ITFG1: variants seen among roughly 807,000 people sequenced by gnomAD.
ITFG1 encodes the protein integrin alpha FG-GAP repeat containing 1.
ITFG1 carries 34 observed loss-of-function variants against 81.8 expected under a neutral mutation model. The ratio of observed to expected loss-of-function variants is 0.42; its 90% CI spans 0.32 to 0.55. The LOEUF (loss-of-function observed/expected upper bound fraction) is 0.55, where lower values mean the gene tolerates loss of function less well. Among genes scored for constraint, ITFG1 ranks in the 20% least tolerant of loss-of-function variants. ITFG1 has a pLI of 0.17. For missense variants in ITFG1, 672 were observed against 755.4 expected (o/e 0.89, Z 1.29); for synonymous variants, 285 against 270.6 (o/e 1.05, Z -0.52).
chr16:47,181,422 C>T (rs1357258574), intron 14 of ITFG1, among the ~76,000 whole-genome samples: 11 of 145,304 alleles, frequency 7.6e-5, no homozygotes, highest in Non-Finnish European at 1.1e-4. Context: ...CCCCCCCGCC[C>T]GGCCAGCCGC....
At chr16:47,440,393 G>C (rs945244165) in intron 5 of ITFG1, among the ~76,000 whole-genome samples, 5 of 152,176 alleles carry the variant, frequency 3.3e-5, no homozygotes, top group African/African-American at 1.2e-4. Context: ...ATTCTTTTCA[G>C]CATCACACCA....
At chr16:47,421,270 G>GCACACACA (rs58232411) in intron 6 of ITFG1, among the ~76,000 whole-genome samples, 101 of 130,022 alleles carry the variant, frequency 7.8e-4, no homozygotes, top group African/African-American at 1.3e-3. Context: ...ACATACATAT[G>GCACACACA]CACACACACA....
chr16:47,368,979 A>G (rs1968215705), intron 7 of ITFG1, among the ~76,000 whole-genome samples: 1 of 152,212 alleles, frequency 6.6e-6, no homozygotes, highest in African/African-American at 2.4e-5. Flanking sequence ...ACACTTTATT[A>G]GACAACTTTT....
intron 12 of ITFG1, among the ~76,000 whole-genome samples, chr16:47,258,312 A>G (rs572953167): frequency 6.6e-6 from 1 of 152,364 alleles, no homozygotes; most frequent in South Asian, 2.1e-4. Context: ...CAGAATGCAA[A>G]GCCTGGATTC....
intron 12 of ITFG1, among the ~76,000 whole-genome samples, chr16:47,249,972 T>G (rs1371738553): frequency 6.6e-6 from 1 of 152,220 alleles, no homozygotes; most frequent in Non-Finnish European, 1.5e-5. Flanking sequence ...TGGTTTTAGT[T>G]GTGTTTAAAG....
intron 5 of ITFG1, among the ~76,000 whole-genome samples, chr16:47,450,746 G>A (rs753945736): frequency 3.9e-4 from 59 of 152,054 alleles, no homozygotes; most frequent in Non-Finnish European, 6.8e-4. Flanking sequence ...AAAATTAACC[G>A]GGTTGAAGGT....
intron 12 of ITFG1, among the ~76,000 whole-genome samples, chr16:47,242,112 C>T (rs1394446937): frequency 6.6e-5 from 10 of 151,630 alleles, no homozygotes; most frequent in African/African-American, 7.3e-5. Flanking sequence ...GGTCATGATG[C>T]GGTATGTGAA....
chr16:47,454,225 AC>A, intron 2 of ITFG1, 67 bp from the exon 3 acceptor site: 1 of 1,254,364 alleles, frequency 8.0e-7, no homozygotes, highest in Non-Finnish European at 1.1e-6. Flanking sequence ...CTGTATTTCT[AC>A]CACACAAAAA....
intron 14 of ITFG1, 65 bp from the exon 15 acceptor site, chr16:47,162,729 A>G: frequency 3.6e-6 from 5 of 1,383,068 alleles, no homozygotes; most frequent in Non-Finnish European, 4.9e-6. Context: ...ATCAAATATT[A>G]AAATGATAAA....
At chr16:47,415,579 G>C (rs566060326) in intron 6 of ITFG1, among the ~76,000 whole-genome samples, 1 of 152,018 alleles carries the variant, frequency 6.6e-6, no homozygotes, top group Non-Finnish European at 1.5e-5. Context: ...ATCAGTAATA[G>C]AAAAAACAGA....
intron 8 of ITFG1, among the ~76,000 whole-genome samples, chr16:47,363,951 T>C (rs1422713223): frequency 6.6e-6 from 1 of 152,194 alleles, no homozygotes; most frequent in Non-Finnish European, 1.5e-5. Context: ...GGTAAATTTC[T>C]TGAATCATGC....
chr16:47,442,182 G>A (rs576573346), intron 5 of ITFG1, among the ~76,000 whole-genome samples: 1 of 152,078 alleles, frequency 6.6e-6, no homozygotes, highest in Non-Finnish European at 1.5e-5. Context: ...AATAAAAGAG[G>A]ATATAAACAA....
chr16:47,262,500 C>A (rs934608269), intron 10 of ITFG1, among the ~76,000 whole-genome samples: 2 of 152,178 alleles, frequency 1.3e-5, no homozygotes, highest in South Asian at 4.1e-4. Context: ...GTGATAAAAG[C>A]GGACTTTCTA....
chr16:47,200,331 G>A (rs953819696), intron 14 of ITFG1, among the ~76,000 whole-genome samples: 2 of 152,076 alleles, frequency 1.3e-5, no homozygotes, highest in Non-Finnish European at 2.9e-5. Context: ...AAATTCAGAG[G>A]GGCCACTGCT....
intron 8 of ITFG1, among the ~76,000 whole-genome samples, chr16:47,327,152 G>T (rs1361750997): frequency 6.6e-6 from 1 of 152,032 alleles, no homozygotes; most frequent in East Asian, 1.9e-4. Context: ...ACAGAACAGA[G>T]CCCTCAGAAA....
chr16:47,380,507 T>A (rs146573985), intron 6 of ITFG1, among the ~76,000 whole-genome samples: 2 of 152,282 alleles, frequency 1.3e-5, no homozygotes, highest in East Asian at 3.9e-4. Context: ...GGGACTGCAC[T>A]CTGAATTAAG....
At chr16:47,290,408 C>A (rs1296481274) in intron 10 of ITFG1, among the ~76,000 whole-genome samples, 1 of 152,142 alleles carries the variant, frequency 6.6e-6, no homozygotes, top group Admixed American at 6.5e-5. Flanking sequence ...AGAGTGGTTA[C>A]TGACGTCTCC....
chr16:47,181,519 C>T (rs191454242), intron 14 of ITFG1, among the ~76,000 whole-genome samples: 2 of 143,560 alleles, frequency 1.4e-5, no homozygotes, highest in Non-Finnish European at 3.1e-5. Flanking sequence ...TCAGCCCCCC[C>T]ACCCGGCCAG....
chr16:47,392,050 T>C (rs1051386378), intron 6 of ITFG1, among the ~76,000 whole-genome samples: 7 of 152,114 alleles, frequency 4.6e-5, no homozygotes, highest in Admixed American at 2.6e-4. Flanking sequence ...AAAATAAAGA[T>C]AAGAAGTGTC....
Sources: gnomAD v4.1 joint callset for allele counts (sites outside exome capture counted in the v4.1 genomes callset) on GRCh38, gnomAD v4.1.1 for gene constraint, MANE v1.5 for transcripts, NCBI Gene and HGNC (gene_info 2026-07-23, HGNC 2026-07-21) for gene names.